The following ZNF331 variants were observed in gnomAD, a reference collection of about 807,000 sequenced individuals.
ZNF331 encodes the protein zinc finger protein 331.
Under a neutral mutation model 7.0 loss-of-function variants are expected in ZNF331, and 2 were observed. That is an observed-to-expected ratio of 0.29 (90% CI 0.12 to 0.90). ZNF331 has a LOEUF of 0.90. Ranked by LOEUF, ZNF331 falls within the 40% of genes least tolerant of loss-of-function variation. The probability of loss-of-function intolerance (pLI) is 0.58; values close to 1 mark genes in which losing one functional copy is unlikely to be tolerated. For synonymous variants in ZNF331, 196 were observed against 205.4 expected, an observed-to-expected ratio of 0.95 and a Z score of 0.39; for missense variants, 432 against 587.7, an observed-to-expected ratio of 0.74 and a Z score of 2.74.
chr19:53,573,580 G>A lies in ZNF331; in HGVS notation c.136+1850G>A, dbSNP rs1165784777. Among the ~76,000 whole-genome samples, 2 of 151,814 alleles carry A rather than the reference G, an allele frequency of 1.3e-5. No individual in the cohort carries two copies. ...CCTCCTGGGCTCAAGCAATCTTCCT[G>A]CCTCATCTCCCTGAGTAGCAGGGAC... On this transcript the variant is annotated intron_variant, in intron 5 of 5. Coordinates refer to ENST00000449416, the MANE Select transcript of ZNF331 (RefSeq NM_001079906.2). This position sits in a 1 kb window ranked among gnomAD's most constrained non-coding sequence, Gnocchi z 4.2.
chr19:53,575,553 A>C (rs2090674258), intron 5 of ZNF331, among the ~76,000 whole-genome samples: 1 of 127,306 alleles, frequency 7.9e-6, no homozygotes, highest in African/African-American at 3.0e-5. Flanking sequence ...GGCTCACTGC[A>C]ACCTCCACCT....
the ZNF331 span, among the ~76,000 whole-genome samples, chr19:53,506,317 A>C: frequency 9.2e-6 from 1 of 109,136 alleles, no homozygotes; most frequent in Admixed American, 9.3e-5. Context: ...CCTGGGCGAC[A>C]GAGCGAGACT....
At chr19:53,504,167 C>T in the ZNF331 span, 1 of 346,594 alleles carries the variant, frequency 2.9e-6, no homozygotes, top group South Asian at 2.2e-5. Context: ...TGAATAATCC[C>T]AGTCAGCTGG....
rs1012374382 is a variant in ZNF331 at position 53,558,159 on chromosome 19, C to T, written c.-74+2251C>T. On this transcript the variant is annotated intron_variant, in intron 3 of 5. Transcript: ENST00000449416. The surrounding 1 kb of genome is among the most constrained non-coding windows in gnomAD (Gnocchi z 4.5). ...GCCTCTGGGACATCTTGCCAACCCT[C>T]TACAGGTTGGGGTTCTTATACTCTT... Among the ~76,000 whole-genome samples, 1 of 152,158 alleles carries T rather than the reference C, an allele frequency of 6.6e-6. No individual in the cohort carries two copies. The highest frequency in any genetic ancestry group is 2.4e-5 in the African/African-American group (1 of 41,432).
chr19:53,509,135 T>C, the ZNF331 span, among the ~76,000 whole-genome samples: 1 of 152,180 alleles, frequency 6.6e-6, no homozygotes, highest in African/African-American at 2.4e-5. Context: ...GCGTTTGGTC[T>C]CCACGTCACC....
At chr19:53,506,460 CTCTCTCTCTCTCTCTCTCTCTG>C in the ZNF331 span, among the ~76,000 whole-genome samples, 2 of 131,442 alleles carry the variant, frequency 1.5e-5, no homozygotes, top group African/African-American at 6.1e-5. Context: ...CTCTCTCTCT[CTCTCTCTCTCTCTCTCTCTCTG>C]TCTGTCTCTC....
intron 3 of ZNF331, among the ~76,000 whole-genome samples, chr19:53,562,698 A>C (rs1348091756): frequency 6.6e-6 from 1 of 150,510 alleles, no homozygotes; most frequent in East Asian, 1.9e-4. Context: ...CTCAAAAAGA[A>C]AAAAAAAAAC....
At chr19:53,519,240 C>T (rs140776676), upstream of ZNF331, among the ~76,000 whole-genome samples, 2 of 152,278 alleles carry the variant, frequency 1.3e-5, no homozygotes, top group Non-Finnish European at 2.9e-5. Flanking sequence ...AATCCAGTCA[C>T]ACCCACCAAT....
At chr19:53,569,440 C>A in intron 4 of ZNF331, 55 bp downstream of exon 4, 1 of 1,598,742 alleles carries the variant, frequency 6.3e-7, no homozygotes, top group Non-Finnish European at 8.6e-7. Flanking sequence ...TTCTGTGCAT[C>A]TGCTTGTGAA....
chr19:53,549,828 C>T (rs1164450786), intron 2 of ZNF331, among the ~76,000 whole-genome samples: 1 of 151,706 alleles, frequency 6.6e-6, no homozygotes, highest in Non-Finnish European at 1.5e-5. Flanking sequence ...TTTTCTGGTT[C>T]CTTGAAATGT....
chr19:53,505,703 G>C, the ZNF331 span, among the ~76,000 whole-genome samples: 434 of 152,320 alleles, frequency 2.8e-3, 3 homozygotes, highest in African/African-American at 8.9e-3. Context: ...GAATGCAGCA[G>C]AGGCCGGGCG....
rs752346719 is a variant in ZNF331 at position 53,577,855 on chromosome 19, C to G, written c.1295C>G (p.Thr432Arg). 6.8e-6 allele frequency: 11 copies of G among 1,613,212 alleles called. No individual in the cohort carries two copies. Among genetic ancestry groups the G allele is most frequent in the Non-Finnish European group, 9.3e-6 (11 of 1,179,874 alleles). ...HGHQLTQHQKTHSGAKSYECK... is the reference protein window; with the variant it reads ...HGHQLTQHQKRHSGAKSYECK... ...CATCAGCTTACACAACATCAGAAAA[C>G]GCACAGTGGGGCGAAATCCTACGAA... Residue 432 changes from threonine (T) to arginine (R), a missense_variant, in exon 6 of 6, where the codon ACG (threonine) becomes AGG (arginine). Thr to Arg is a moderately conservative substitution (Grantham distance 71, BLOSUM62 -1). Transcript: ENST00000449416.
At position 53,558,619 on chromosome 19, in the gene ZNF331, G is replaced by C. The variant is rs948216871; in HGVS notation, c.-74+2711G>C. Among the ~76,000 whole-genome samples, 3 of 152,002 alleles carry C rather than the reference G, an allele frequency of 2.0e-5. No homozygotes were observed. The highest frequency in any genetic ancestry group is 7.3e-5 in the African/African-American group (3 of 41,336). ...GCAGCATTCCTTCCTACAGGTACAG[G>C]GCAGGACCCTCTCTGGAGTGAGAGT... On this transcript the variant is annotated intron_variant, in intron 3 of 5. Coordinates refer to ENST00000449416, the MANE Select transcript of ZNF331 (RefSeq NM_001079906.2). The surrounding 1 kb of genome is among the most constrained non-coding windows in gnomAD (Gnocchi z 4.5).
chr19:53,503,882 T>A, the ZNF331 span: 1 of 682,884 alleles, frequency 1.5e-6, no homozygotes, highest in African/African-American at 1.8e-5. Context: ...AGATCTGGGA[T>A]ACTGTTCTGC....
chr19:53,575,749 T>A (rs936959719), intron 5 of ZNF331, among the ~76,000 whole-genome samples: 12 of 145,330 alleles, frequency 8.3e-5, no homozygotes, highest in African/African-American at 3.1e-4. Flanking sequence ...AGTGGCACAA[T>A]CTCGGCTCAC....
At chr19:53,554,592 G>A (rs2089248953) in intron 2 of ZNF331, 1 of 152,288 alleles carries the variant, frequency 6.6e-6, no homozygotes. Context: ...TCCCGTAACT[G>A]TGACACGGGT....
At position 53,527,667 on chromosome 19, in the gene ZNF331, G is replaced by C. The variant is rs2087358037; in HGVS notation, c.-205+4983G>C. Among the ~76,000 whole-genome samples the C allele has an allele frequency of 5.3e-5, 8 of 152,306 alleles. No individual in the cohort carries two copies. The South Asian group carries it at 1.7e-3, about 32-fold the overall frequency. ...AATCCTGCTAATTGATCATGTAGAT[G>C]AGTTAAAGACTCTTCAAATCTTAGT... On this transcript the variant is annotated intron_variant, in intron 2 of 6. Coordinates refer to the ZNF331 transcript ENST00000253144.
At chr19:53,533,859 A>AT (rs2087637303), upstream of ZNF331, among the ~76,000 whole-genome samples, 1 of 152,210 alleles carries the variant, frequency 6.6e-6, no homozygotes, top group African/African-American at 2.4e-5. Context: ...AAAACTCCAC[A>AT]TTTAACTTTT....
rs562310078 is a variant in ZNF331, at chr19:53,539,305, A to G, written c.-138+23A>G. On this transcript the variant is annotated intron_variant, in intron 2 of 5. Coordinates refer to ENST00000449416, the MANE Select transcript of ZNF331 (RefSeq NM_001079906.2). The surrounding 1 kb of genome is among the most constrained non-coding windows in gnomAD (Gnocchi z 6.1). ...CAGGTGAGTATCCTTTTTTTTTTATATTAAATGATATGTGTTTATAAGACT... is the reference window on the plus strand; with the variant it reads ...CAGGTGAGTATCCTTTTTTTTTTATGTTAAATGATATGTGTTTATAAGACT... 6.6e-6 allele frequency: 1 copy of G among 151,420 alleles called. No individual in the cohort carries two copies. The highest frequency in any genetic ancestry group is 2.1e-4 in the South Asian group (1 of 4,806). 9.4% of individuals were successfully genotyped at this position (151,420 alleles called of 1,614,324 possible). A position where few individuals can be genotyped will look rare whatever the true frequency, so the allele number is the denominator to read the frequency against.
Sources: allele counts gnomAD v4.1 joint callset (sites outside exome capture counted in the v4.1 genomes callset), GRCh38; gene constraint gnomAD v4.1.1; non-coding constraint Gnocchi (gnomAD v3.1); transcripts MANE v1.5; gene names NCBI Gene and HGNC (gene_info 2026-07-23, HGNC 2026-07-21).